The following MASP1 variants were observed in gnomAD, a reference collection of about 807,000 sequenced individuals.
The protein encoded by MASP1 is mannan-binding lectin serine protease 1.
MASP1 carries 59 observed loss-of-function variants against 77.1 expected under a neutral mutation model. That is an observed-to-expected ratio of 0.77 (90% CI 0.62 to 0.95). The LOEUF is 0.95. Among genes scored for constraint, MASP1 ranks in the 40% least tolerant of loss-of-function variants. The pLI is 0.00. For missense variants in MASP1, 885 were observed against 912.9 expected (o/e 0.97, Z 0.39); for synonymous variants, 362 against 354.5 (o/e 1.02, Z -0.24).
chr3:187,261,006 A>G (rs1418953993), intron 3 of MASP1, 134 bp from the exon 4 acceptor site: 3 of 1,051,574 alleles, frequency 2.9e-6, no homozygotes, highest in Non-Finnish European at 4.4e-6. Flanking sequence ...ATCCTCTCAT[A>G]CAGCCCAGAG....
chr3:187,239,026 A>C (rs746162021), intron 10 of MASP1, among the ~76,000 whole-genome samples: 1 of 152,128 alleles, frequency 6.6e-6, no homozygotes, highest in Non-Finnish European at 1.5e-5. Context: ...GCTTTGTACA[A>C]ACATAGAGGA....
intron 2 of MASP1, among the ~76,000 whole-genome samples, chr3:187,266,017 T>C (rs1001519577): frequency 2.0e-5 from 3 of 152,216 alleles, no homozygotes; most frequent in African/African-American, 7.2e-5. Context: ...GATTGAGACC[T>C]AGCTTCTATT....
At position 187,235,077 on chromosome 3, in the gene MASP1, T is replaced by A; in HGVS notation, c.*607A>T. 7.8e-7 allele frequency: 1 copy of A among 1,287,260 alleles called. No individual in the cohort carries two copies. The highest frequency in any genetic ancestry group is 1.0e-6 in the Non-Finnish European group (1 of 988,716). The allele number at this position is 1,287,260 out of a possible 1,614,324, so 79.7% of individuals were successfully genotyped here. ...GGAACATAAGGGATAAGGCTTAGAC[T>A]GCAAGAAGCTTTTGGGAGAGAAACC... On this transcript the variant is annotated 3_prime_UTR_variant, in exon 11 of 11. Transcript: ENST00000296280.
chr3:187,265,111 A>G (rs1715908478), intron 2 of MASP1, among the ~76,000 whole-genome samples: 1 of 152,166 alleles, frequency 6.6e-6, no homozygotes, highest in Admixed American at 6.5e-5. Flanking sequence ...AAATCATCAT[A>G]GTCATATATT....
In MASP1 at chr3:187,235,228, A is replaced by G. The variant is rs972603739; in HGVS notation, c.*456T>C. On this transcript the variant is annotated 3_prime_UTR_variant, in exon 11 of 11. Transcript: ENST00000296280. ...GGCCAAGGCTAGTCCCAGAAGGCAG[A>G]GCAGGAAAATATACAGATGCGGCAT... 1 of 1,289,524 alleles carries G rather than the reference A, an allele frequency of 7.8e-7. No homozygotes were observed. The highest frequency in any genetic ancestry group is 1.0e-6 in the Non-Finnish European group (1 of 990,418). 79.9% of individuals were successfully genotyped at this position (1,289,524 alleles called of 1,614,324 possible). A position where few individuals can be genotyped will look rare whatever the true frequency, so the allele number is the denominator to read the frequency against.
In MASP1 at chr3:187,234,403, T is replaced by C; in HGVS notation, c.*1281A>G. ...TAGCAGTCAGGGAAGCTCTGAGTGC[T>C]CCAGCTAGAAGGAACCTGCAGGGGA... On this transcript the variant is annotated 3_prime_UTR_variant, in exon 11 of 11. Coordinates refer to ENST00000296280, the MANE Select transcript of MASP1 (RefSeq NM_139125.4). 1 of 1,287,236 alleles carries C rather than the reference T, an allele frequency of 7.8e-7. No individual in the cohort carries two copies. The highest frequency in any genetic ancestry group is 1.0e-6 in the Non-Finnish European group (1 of 988,688). The allele number at this position is 1,287,236 out of a possible 1,614,324, so 79.7% of individuals were successfully genotyped here.
chr3:187,240,177 G>GAGAC (rs1713512745), intron 10 of MASP1, among the ~76,000 whole-genome samples: 1 of 115,926 alleles, frequency 8.6e-6, no homozygotes, highest in African/African-American at 3.5e-5. Flanking sequence ...ACCCAGTCTT[G>GAGAC]GGTTATGTCT....
chr3:187,225,471 G>C lies in MASP1; in HGVS notation c.1594C>G (p.His532Asp). The change falls in exon 13 of 16, where the codon CAT becomes GAT. Residue 532 changes from histidine to aspartate, a missense_variant. Coordinates refer to the MASP1 transcript ENST00000337774. Reference sequence around the variant, plus strand: ...AGAGTGGTGTGTTTGACGCCGAGATGCTGTTCATTTTCATCTGACCGGAGC... The same window carrying C: ...AGAGTGGTGTGTTTGACGCCGAGATCCTGTTCATTTTCATCTGACCGGAGC... 2 of 1,614,198 alleles carry C rather than the reference G, an allele frequency of 1.2e-6. No individual in the cohort carries two copies. The highest frequency in any genetic ancestry group is 1.7e-6 in the Non-Finnish European group (2 of 1,180,040).
At chr3:187,247,000 A>T (rs1028238075) in intron 8 of MASP1, 2 of 1,242,774 alleles carry the variant, frequency 1.6e-6, no homozygotes, top group African/African-American at 1.5e-5. Flanking sequence ...ACATGGTTGT[A>T]TATTAAATCT....
Position 187,246,033 on chromosome 3 carries a change from C to T in MASP1, c.1091-2412G>A, listed in dbSNP as rs749805423. ...TCCTCCCCTTGGTGCACCCACCCTC[C>T]GAACACCAGCTCCTTCAGTGTGCTC... is the stretch of plus-strand genomic sequence containing the variant. On this transcript the variant is annotated intron_variant, in intron 8 of 10. Coordinates refer to ENST00000296280, the MANE Select transcript of MASP1 (RefSeq NM_139125.4). 3.3e-5 allele frequency among the ~76,000 whole-genome samples: 5 copies of T among 152,192 alleles called. No homozygotes were observed. In the East Asian group the frequency reaches 5.8e-4, roughly 18 times the overall value.
intron 4 of MASP1, among the ~76,000 whole-genome samples, chr3:187,257,926 A>G (rs531106678): frequency 1.3e-5 from 2 of 152,270 alleles, no homozygotes; most frequent in African/African-American, 4.8e-5. Flanking sequence ...TTTTCTCTGC[A>G]GTTTGGACAC....
intron 10 of MASP1, among the ~76,000 whole-genome samples, chr3:187,238,625 G>A (rs1713370210): frequency 6.6e-6 from 1 of 152,278 alleles, no homozygotes; most frequent in South Asian, 2.1e-4. Flanking sequence ...TGATACTCTA[G>A]GATTCAAGGT....
rs143059203 is a variant in MASP1 at position 187,235,749 on chromosome 3, C to T, written c.2122G>A (p.Val708Met). The change falls in exon 11 of 11, where the codon GTG (valine) becomes ATG (methionine). Residue 708 changes from valine to methionine, a missense_variant. Val to Met is a conservative substitution (Grantham distance 21). Coordinates refer to ENST00000296280, the MANE Select transcript of MASP1 (RefSeq NM_139125.4). ...CCCATCTGCTCCCACACCCAGTCCACGTAATTGGAGACCTTTGTGTAGACT... is the reference window on the plus strand; with the variant it reads ...CCCATCTGCTCCCACACCCAGTCCATGTAATTGGAGACCTTTGTGTAGACT... ...YGVYTKVSNY[V>M]DWVWEQMGLP... 102 of 1,614,074 alleles carry T rather than the reference C, an allele frequency of 6.3e-5. No homozygotes were observed. The highest frequency in any genetic ancestry group is 7.8e-5 in the Non-Finnish European group (92 of 1,180,038).
At chr3:187,248,343 T>C (rs373751618) in intron 8 of MASP1, among the ~76,000 whole-genome samples, 15 of 152,180 alleles carry the variant, frequency 9.9e-5, no homozygotes, top group African/African-American at 2.9e-4. Flanking sequence ...CGTTTATCTT[T>C]TGCATGTTTC....
In MASP1 at chr3:187,260,657, T is replaced by A. The variant is rs923380512; in HGVS notation, c.547+84A>T. On this transcript the variant is annotated intron_variant, in intron 4 of 10. Transcript: ENST00000296280. ...TTCATTTTTACTTGTTCCTATTGCA[T>A]ATCTGTCTTTCTCTGAGCCTCATCT... is the stretch of plus-strand genomic sequence containing the variant. 7 of 1,577,342 alleles carry A rather than the reference T, an allele frequency of 4.4e-6. No individual in the cohort carries two copies. The Admixed American group carries it at 8.3e-5, about 19-fold the overall frequency.
chr3:187,262,545 A>T lies in MASP1; in HGVS notation c.413T>A (p.Val138Glu), dbSNP rs1715678446. The part of the protein sequence containing the change: ...FTGFDAHYMA[V>E]DVDECKERED... ...GATGAGTCACTTCTCCAACTTACCC[A>T]CAGCCATGTAGTGGGCATCAAAGCC... Residue 138 changes from valine (V) to glutamate (E), a missense_variant and splice_region_variant, in exon 3 of 11, where the codon GTG (valine) becomes GAG (glutamate). Val to Glu is a moderately radical substitution (Grantham distance 121, BLOSUM62 -2). Transcript: ENST00000296280. 1 of 1,614,006 alleles carries T rather than the reference A, an allele frequency of 6.2e-7. No individual in the cohort carries two copies. The highest frequency in any genetic ancestry group is 1.3e-5 in the African/African-American group (1 of 74,916).
At chr3:187,239,737 C>T (rs143231029) in intron 10 of MASP1, among the ~76,000 whole-genome samples, 32 of 152,258 alleles carry the variant, frequency 2.1e-4, no homozygotes, top group South Asian at 1.0e-3. Flanking sequence ...ATGGAATCAG[C>T]GGAATGGGTG....
chr3:187,265,346 G>A (rs1715928841), intron 2 of MASP1, among the ~76,000 whole-genome samples: 1 of 152,162 alleles, frequency 6.6e-6, no homozygotes, highest in South Asian at 2.1e-4. Flanking sequence ...TTGGATTAGG[G>A]AGATACTACT....
rs1238980653 is a variant in MASP1 at position 187,262,730 on chromosome 3, C to G, written c.238-10G>C. ...GGTCCTCAGTTTCTACCTTTGAGGTCAAAGAGAAAGGGAACAAGATGAGCA... is the reference window on the plus strand; with the variant it reads ...GGTCCTCAGTTTCTACCTTTGAGGTGAAAGAGAAAGGGAACAAGATGAGCA... On this transcript the variant is annotated splice_polypyrimidine_tract_variant and intron_variant, in intron 2 of 10. Coordinates refer to ENST00000296280, the MANE Select transcript of MASP1 (RefSeq NM_139125.4). The G allele has an allele frequency of 1.2e-6, 2 of 1,613,560 alleles. No homozygotes were observed. The highest frequency in any genetic ancestry group is 2.7e-5 in the African/African-American group (2 of 74,858).
Sources: gnomAD v4.1 joint callset for allele counts (sites outside exome capture counted in the v4.1 genomes callset) on GRCh38, gnomAD v4.1.1 for gene constraint, MANE v1.5 for transcripts, NCBI Gene and HGNC (gene_info 2026-07-23, HGNC 2026-07-21) for gene names.